The following GALNT18 variants were observed in gnomAD, a reference collection of about 807,000 sequenced individuals.
GALNT18 encodes GalNAc-transferase 18.
In GALNT18, 44 loss-of-function variants were observed where a neutral mutation model predicts 69.5. The observed-to-expected ratio is 0.63, with a 90% confidence interval of 0.50 to 0.81. GALNT18 has a LOEUF of 0.81. Ranked by LOEUF, GALNT18 falls within the 40% of genes least tolerant of loss-of-function variation. GALNT18 has a pLI of 0.00. For missense variants in GALNT18, 715 were observed against 810.0 expected, an observed-to-expected ratio of 0.88 and a Z score of 1.42; for synonymous variants, 364 against 318.2, an observed-to-expected ratio of 1.14 and a Z score of -1.53.
chr11:11,442,356 A>G (rs905508497), intron 2 of GALNT18, among the ~76,000 whole-genome samples: 1 of 152,160 alleles, frequency 6.6e-6, no homozygotes, highest in Non-Finnish European at 1.5e-5. Context: ...TCTTCGTTCC[A>G]TCGGCAACCA....
chr11:11,593,969 A>G (rs980073912), intron 1 of GALNT18, among the ~76,000 whole-genome samples: 1 of 152,158 alleles, frequency 6.6e-6, no homozygotes, highest in East Asian at 1.9e-4. Context: ...ATTTAGATGA[A>G]GGATGCTTTT....
intron 1 of GALNT18, among the ~76,000 whole-genome samples, chr11:11,539,986 A>G (rs983014660): frequency 2.6e-5 from 4 of 152,186 alleles, no homozygotes; most frequent in Non-Finnish European, 5.9e-5. Flanking sequence ...TTCCAGTACC[A>G]ATGGGAAATG....
chr11:11,458,492 G>A (rs1855970168), intron 1 of GALNT18, among the ~76,000 whole-genome samples: 3 of 152,228 alleles, frequency 2.0e-5, no homozygotes, highest in African/African-American at 7.2e-5. Context: ...GTTCAGAAAT[G>A]TACATTTCTC....
rs1235228948 is a variant in GALNT18, at chr11:11,389,559, G to T, written c.596-10295C>A. Among the ~76,000 whole-genome samples, 1 of 152,152 alleles carries T rather than the reference G, an allele frequency of 6.6e-6. No homozygotes were observed. The highest frequency in any genetic ancestry group is 1.5e-5 in the Non-Finnish European group (1 of 68,038). Reference sequence around the variant, plus strand: ...CTACTCTGAGGAGGGTATGCAGCAGGAATCACAGGACTTACTAAAAATGCC... The same window carrying T: ...CTACTCTGAGGAGGGTATGCAGCAGTAATCACAGGACTTACTAAAAATGCC... On this transcript the variant is annotated intron_variant, in intron 3 of 10. Transcript: ENST00000227756. The surrounding 1 kb of genome is among the most constrained non-coding windows in gnomAD (Gnocchi z 4.3).
chr11:11,352,980 C>T (rs777486408), intron 6 of GALNT18: 48 of 1,614,164 alleles, frequency 3.0e-5, no homozygotes, highest in Middle Eastern at 1.6e-4. Flanking sequence ...GTATTTACCT[C>T]GGCCTAATTT....
At position 11,541,461 on chromosome 11, in the gene GALNT18, T is replaced by C. The variant is rs1436331816; in HGVS notation, c.235+79898A>G. Among the ~76,000 whole-genome samples the C allele has an allele frequency of 2.0e-5, 3 of 152,158 alleles. No homozygotes were observed. The highest frequency in any genetic ancestry group is 2.9e-5 in the Non-Finnish European group (2 of 68,018). ...ATTCCTCCCATCCACCTTCCACCTG[T>C]AGTTGGGGTGATCTTTCTAGACCAC... On this transcript the variant is annotated intron_variant, in intron 1 of 10. Coordinates refer to ENST00000227756, the MANE Select transcript of GALNT18 (RefSeq NM_198516.3). This position sits in a 1 kb window ranked among gnomAD's most constrained non-coding sequence, Gnocchi z 4.8.
At chr11:11,365,830 AG>A (rs1180972928) in intron 6 of GALNT18, among the ~76,000 whole-genome samples, 2 of 152,234 alleles carry the variant, frequency 1.3e-5, no homozygotes, top group Non-Finnish European at 2.9e-5. Context: ...AGACAAACCC[AG>A]GTTCAAACTC....
intron 1 of GALNT18, among the ~76,000 whole-genome samples, chr11:11,455,828 C>T (rs181467930): frequency 3.9e-5 from 6 of 152,266 alleles, no homozygotes; most frequent in African/African-American, 1.4e-4. Flanking sequence ...GTGACTCATG[C>T]CTGTAAACTC....
At position 11,271,240 on chromosome 11, in the gene GALNT18, C is replaced by G; in HGVS notation, c.1728G>C (p.Glu576Asp). ...RKSKRCLELQ[E>D]NSDLEFGFQL... ...GGAAGCCGAACTCCAGGTCGCTATT[C>G]TCCTGCAGCTCCAGACAGCGCTTAG... The change falls in exon 11 of 11, where the codon GAG (glutamate) becomes GAC (aspartate). Residue 576 changes from glutamate to aspartate, a missense_variant. Glu to Asp is a conservative substitution (Grantham distance 45). Transcript: ENST00000227756. 6.2e-7 allele frequency: 1 copy of G among 1,614,120 alleles called. No individual in the cohort carries two copies.
Position 11,377,588 on chromosome 11 carries a change from C to T in GALNT18, c.780-209G>A, listed in dbSNP as rs565303130. 6.6e-6 allele frequency among the ~76,000 whole-genome samples: 1 copy of T among 152,140 alleles called. No homozygotes were observed. Among genetic ancestry groups the T allele is most frequent in the Non-Finnish European group, 1.5e-5 (1 of 68,020 alleles). Reference sequence around the variant, plus strand: ...GCCGGAATGGCAAGAGGCTGCACCACTCCATTGGCATATCCAGAGCTGAGC... The same window carrying T: ...GCCGGAATGGCAAGAGGCTGCACCATTCCATTGGCATATCCAGAGCTGAGC... On this transcript the variant is annotated intron_variant, in intron 4 of 10. Transcript: ENST00000227756. The surrounding 1 kb of genome is among the most constrained non-coding windows in gnomAD (Gnocchi z 4.6).
At chr11:11,519,871 C>T (rs750364971) in intron 1 of GALNT18, among the ~76,000 whole-genome samples, 2 of 152,234 alleles carry the variant, frequency 1.3e-5, no homozygotes, top group Non-Finnish European at 2.9e-5. Context: ...CTGTGGGTAA[C>T]GATGGGCCAT....
In GALNT18 at chr11:11,271,151, G is replaced by A. The variant is rs146661446; in HGVS notation, c.1817C>T (p.Ala606Val). The change falls in exon 11 of 11, where the codon GCG becomes GTG. Residue 606 changes from alanine (A) to valine (V), a missense_variant. Coordinates refer to ENST00000227756, the MANE Select transcript of GALNT18 (RefSeq NM_198516.3). ...WSITNVLRSLAS is the reference protein window; with the variant it reads ...WSITNVLRSLVS The stretch of plus-strand genomic sequence containing the variant: ...GGAAGTGGCCCCGGTGGGTCAGGAC[G>A]CGAGGCTCCTCAGGACGTTGGTGAT... 223 of 1,611,218 alleles carry A rather than the reference G, an allele frequency of 1.4e-4. No individual in the cohort carries two copies. Among genetic ancestry groups the A allele is most frequent in the South Asian group, 9.9e-4 (90 of 90,992 alleles).
In GALNT18 at chr11:11,413,051, G is replaced by A. The variant is rs1854767177; in HGVS notation, c.595+19570C>T. Among the ~76,000 whole-genome samples, 1 of 152,168 alleles carries A rather than the reference G, an allele frequency of 6.6e-6. No individual in the cohort carries two copies. The highest frequency in any genetic ancestry group is 2.4e-5 in the African/African-American group (1 of 41,420). ...AAAAGGATTAAGATCTTCCCACAGT[G>A]GTGCCTGGCAGCTCTTATTGGTGGT... On this transcript the variant is annotated intron_variant, in intron 3 of 10. Transcript: ENST00000227756. The surrounding 1 kb of genome is among the most constrained non-coding windows in gnomAD (Gnocchi z 4.7).
In GALNT18 at chr11:11,387,053, C is replaced by T. The variant is rs776027199; in HGVS notation, c.596-7789G>A. On this transcript the variant is annotated intron_variant, in intron 3 of 10. Coordinates refer to ENST00000227756, the MANE Select transcript of GALNT18 (RefSeq NM_198516.3). This position sits in a 1 kb window ranked among gnomAD's most constrained non-coding sequence, Gnocchi z 4.6. ...TGAAATACAAAGGTGGGCTTTATAA[C>T]GGAGTACAAAAAGGCACCTCCTGCC... 2.0e-4 allele frequency among the ~76,000 whole-genome samples: 31 copies of T among 152,166 alleles called. No homozygotes were observed. Among genetic ancestry groups the T allele is most frequent in the Non-Finnish European group, 2.1e-4 (14 of 68,032 alleles).
chr11:11,426,069 A>G (rs1039891175), intron 3 of GALNT18, among the ~76,000 whole-genome samples: 1 of 152,204 alleles, frequency 6.6e-6, no homozygotes, highest in Admixed American at 6.5e-5. Flanking sequence ...GAGGGGAAAC[A>G]TGGCCTTCGA....
At position 11,439,202 on chromosome 11, in the gene GALNT18, G is replaced by A. The variant is rs1201855921; in HGVS notation, c.429-6415C>T. ...AGAAATGATGAATAGGAAGAAGGGCGTTGTCAGTGAGTGAACTGTAGACGT... is the reference window on the plus strand; with the variant it reads ...AGAAATGATGAATAGGAAGAAGGGCATTGTCAGTGAGTGAACTGTAGACGT... On this transcript the variant is annotated intron_variant, in intron 2 of 10. Coordinates refer to ENST00000227756, the MANE Select transcript of GALNT18 (RefSeq NM_198516.3). This position sits in a 1 kb window ranked among gnomAD's most constrained non-coding sequence, Gnocchi z 4.4. 2.0e-5 allele frequency among the ~76,000 whole-genome samples: 3 copies of A among 152,206 alleles called. No individual in the cohort carries two copies. The highest frequency in any genetic ancestry group is 4.4e-5 in the Non-Finnish European group (3 of 68,034).
chr11:11,516,495 G>A (rs114379437), intron 1 of GALNT18, among the ~76,000 whole-genome samples: 4,059 of 152,250 alleles, frequency 0.027, 128 homozygotes, highest in African/African-American at 0.072. Context: ...GCTGGATGTG[G>A]TGGAGCATAT....
Position 11,432,608 on chromosome 11 carries a change from C to G in GALNT18, c.595+13G>C. 6.3e-7 allele frequency: 1 copy of G among 1,597,846 alleles called. No homozygotes were observed. Among genetic ancestry groups the G allele is most frequent in the Non-Finnish European group, 8.5e-7 (1 of 1,171,440 alleles). ...GAAGTAGGGCCTGGGCCCTGGGAAGCTCCGACACTCACCGTTACTGCTGTT... is the reference window on the plus strand; with the variant it reads ...GAAGTAGGGCCTGGGCCCTGGGAAGGTCCGACACTCACCGTTACTGCTGTT... On this transcript the variant is annotated intron_variant, in intron 3 of 10. Coordinates refer to ENST00000227756, the MANE Select transcript of GALNT18 (RefSeq NM_198516.3). This position sits in a 1 kb window ranked among gnomAD's most constrained non-coding sequence, Gnocchi z 5.8.
chr11:11,412,462 G>A (rs1854753363), intron 3 of GALNT18, among the ~76,000 whole-genome samples: 1 of 152,136 alleles, frequency 6.6e-6, no homozygotes, highest in African/African-American at 2.4e-5. Flanking sequence ...CAGGTGCTCT[G>A]TCCATCATCA....
Sources: allele counts gnomAD v4.1 joint callset (sites outside exome capture counted in the v4.1 genomes callset), GRCh38; gene constraint gnomAD v4.1.1; non-coding constraint Gnocchi (gnomAD v3.1); transcripts MANE v1.5; gene names NCBI Gene and HGNC (gene_info 2026-07-23, HGNC 2026-07-21).